GABBR2: variants seen among roughly 807,000 people sequenced by gnomAD.
GABBR2 encodes the protein gamma-aminobutyric acid type B receptor subunit 2.
A neutral mutation model predicts 105.6 loss-of-function variants in GABBR2; 23 were observed. That is an observed-to-expected ratio of 0.22 (90% CI 0.16 to 0.31). The LOEUF is 0.31. Ranked by LOEUF, GABBR2 falls within the 10% of genes least tolerant of loss-of-function variation. GABBR2 has a pLI of 1.00. For synonymous variants in GABBR2, 478 were observed against 499.7 expected, an observed-to-expected ratio of 0.96 and a Z score of 0.58; for missense variants, 734 against 1,245.5, an observed-to-expected ratio of 0.59 and a Z score of 6.18.
chr9:98,347,950 C>T lies in GABBR2; in HGVS notation c.1893+14765G>A, dbSNP rs192833961. ...GGTTTCATAAATAGGAGTCCCCCTG[C>T]GCAAGCTCTCTTGCCTGCCACCATT... On this transcript the variant is annotated intron_variant, in intron 13 of 18. Transcript: ENST00000259455. Among the ~76,000 whole-genome samples, 639 of 152,318 alleles carry T rather than the reference C, an allele frequency of 4.2e-3. 14 individuals are homozygous for T. Among genetic ancestry groups the T allele is most frequent in the Admixed American group, 0.035 (540 of 15,298 alleles).
intron 1 of GABBR2, among the ~76,000 whole-genome samples, chr9:98,589,076 T>C (rs1470085324): frequency 2.0e-5 from 3 of 152,158 alleles, no homozygotes; most frequent in African/African-American, 4.8e-5. Flanking sequence ...CCACCAACCA[T>C]GGACTGAGCA....
intron 1 of GABBR2, among the ~76,000 whole-genome samples, chr9:98,635,069 T>A (rs1829859444): frequency 6.6e-6 from 1 of 152,194 alleles, no homozygotes; most frequent in African/African-American, 2.4e-5. Context: ...GGCTACTCAG[T>A]CCCAGTTCCT....
chr9:98,541,963 A>G lies in GABBR2; in HGVS notation c.540T>C (p.Asn180=), dbSNP rs1182738469. 8 of 1,614,132 alleles carry G rather than the reference A, an allele frequency of 5.0e-6. No homozygotes were observed. The highest frequency in any genetic ancestry group is 1.1e-5 in the South Asian group (1 of 91,082). The part of the protein sequence containing the change: ...PYFFRTVPSD[N]AVNPAILKLL... ...ACTTCAGAATGGCTGGATTCACCGCATTGTCTGATGGGACGGTCCGAAAGA... is the reference window on the plus strand; with the variant it reads ...ACTTCAGAATGGCTGGATTCACCGCGTTGTCTGATGGGACGGTCCGAAAGA... The change falls in exon 3 of 19, where the codon AAT becomes AAC. Residue 180 remains asparagine (N), a synonymous_variant. Transcript: ENST00000259455.
chr9:98,469,562 T>C (rs1023737999), intron 6 of GABBR2, among the ~76,000 whole-genome samples: 2 of 152,200 alleles, frequency 1.3e-5, no homozygotes, highest in Non-Finnish European at 1.5e-5. Context: ...CTTTCTCTCA[T>C]ACAGGACACC....
At chr9:98,403,167 G>A (rs191792481) in intron 8 of GABBR2, among the ~76,000 whole-genome samples, 2,658 of 151,998 alleles carry the variant, frequency 0.017, 35 homozygotes, top group African/African-American at 0.031. Flanking sequence ...GGTGGCACGA[G>A]CCTGTAGTCC....
intron 1 of GABBR2, among the ~76,000 whole-genome samples, chr9:98,587,902 G>A (rs544514849): frequency 1.1e-4 from 16 of 152,072 alleles, no homozygotes; most frequent in Admixed American, 2.6e-4. Flanking sequence ...ATTCAACAAC[G>A]ATCTAAAGTA....
intron 13 of GABBR2, among the ~76,000 whole-genome samples, chr9:98,318,955 G>C (rs892785550): frequency 1.7e-4 from 26 of 151,964 alleles, no homozygotes; most frequent in African/African-American, 5.8e-4. Flanking sequence ...GTATTAGGGG[G>C]TGTGTTTGGC....
chr9:98,687,388 C>T (rs1427778178), intron 1 of GABBR2, among the ~76,000 whole-genome samples: 1 of 152,024 alleles, frequency 6.6e-6, no homozygotes, highest in Non-Finnish European at 1.5e-5. Flanking sequence ...GGAATTTGAT[C>T]AGATATCAGG....
intron 2 of GABBR2, 86 bp downstream of exon 2, chr9:98,577,849 C>T: frequency 7.4e-7 from 1 of 1,350,378 alleles, no homozygotes. Flanking sequence ...AACATAGAAA[C>T]CACATTGTAC....
intron 1 of GABBR2, among the ~76,000 whole-genome samples, chr9:98,683,983 G>C: frequency 7.6e-6 from 1 of 130,850 alleles, no homozygotes; most frequent in Admixed American, 9.0e-5. Flanking sequence ...ACTCCAGCCT[G>C]GGCGACAGAG....
chr9:98,602,518 T>C (rs933024919), intron 1 of GABBR2, among the ~76,000 whole-genome samples: 1 of 150,640 alleles, frequency 6.6e-6, no homozygotes, highest in African/African-American at 2.4e-5. Flanking sequence ...CTTGAACTCC[T>C]GAGCTCAAAT....
rs187548931 is a variant in GABBR2, at chr9:98,526,872, A to C, written c.630+15001T>G. 7.9e-5 allele frequency among the ~76,000 whole-genome samples: 12 copies of C among 152,224 alleles called. No individual in the cohort carries two copies. The East Asian group carries it at 1.9e-3, about 25-fold the overall frequency. Reference sequence around the variant, plus strand: ...TTAGCATGCATAGCTAAATAGGTACAAACACTGAGTAAATAAAAATAGAAC... The same window carrying C: ...TTAGCATGCATAGCTAAATAGGTACCAACACTGAGTAAATAAAAATAGAAC... On this transcript the variant is annotated intron_variant, in intron 3 of 18. Coordinates refer to ENST00000259455, the MANE Select transcript of GABBR2 (RefSeq NM_005458.8).
chr9:98,412,941 G>T (rs930980636), intron 7 of GABBR2, among the ~76,000 whole-genome samples: 1 of 152,136 alleles, frequency 6.6e-6, no homozygotes, highest in Non-Finnish European at 1.5e-5. Context: ...ATTCCTACGC[G>T]GCTGTCTAGA....
chr9:98,585,049 C>T (rs926061901), intron 1 of GABBR2, among the ~76,000 whole-genome samples: 13 of 152,294 alleles, frequency 8.5e-5, no homozygotes, highest in African/African-American at 3.1e-4. Flanking sequence ...CATCCCCATA[C>T]AGGATAGTTT....
chr9:98,385,270 C>G (rs1832051449), intron 11 of GABBR2, among the ~76,000 whole-genome samples: 2 of 152,328 alleles, frequency 1.3e-5, no homozygotes, highest in African/African-American at 4.8e-5. Context: ...GTGACGCGAT[C>G]ACAACTCACT....
Position 98,311,326 on chromosome 9 carries a change from C to A in GABBR2, c.1894-121G>T, listed in dbSNP as rs1426445940. 5 of 630,832 alleles carry A rather than the reference C, an allele frequency of 7.9e-6. No homozygotes were observed. The African/African-American group carries it at 9.2e-5, about 12-fold the overall frequency. 39.1% of individuals were successfully genotyped at this position (630,832 alleles called of 1,614,324 possible). A position where few individuals can be genotyped will look rare whatever the true frequency, so the allele number is the denominator to read the frequency against. ...TAGCCAATGCCACTGTTCAGCAGGC[C>A]ATTTGGACCCCATCTCTGTGTTCCT... On this transcript the variant is annotated intron_variant, in intron 13 of 18. Coordinates refer to ENST00000259455, the MANE Select transcript of GABBR2 (RefSeq NM_005458.8).
intron 17 of GABBR2, among the ~76,000 whole-genome samples, chr9:98,294,137 C>G (rs925214260): frequency 1.8e-4 from 27 of 152,086 alleles, no homozygotes; most frequent in African/African-American, 5.8e-4. Context: ...GTGTGGCATG[C>G]CCCACGCTCT....
chr9:98,458,875 A>G (rs865874205), intron 6 of GABBR2, among the ~76,000 whole-genome samples: 17 of 152,332 alleles, frequency 1.1e-4, no homozygotes, highest in African/African-American at 4.1e-4. Context: ...TGATTATTGG[A>G]TAATTATTGG....
intron 1 of GABBR2, among the ~76,000 whole-genome samples, chr9:98,646,815 C>T (rs910606935): frequency 6.6e-6 from 1 of 152,180 alleles, no homozygotes; most frequent in Non-Finnish European, 1.5e-5. Context: ...AGCTATCTCC[C>T]AGAGGGTCCT....
Sources: allele counts gnomAD v4.1 joint callset (sites outside exome capture counted in the v4.1 genomes callset), GRCh38; gene constraint gnomAD v4.1.1; transcripts MANE v1.5; gene names NCBI Gene and HGNC (gene_info 2026-07-23, HGNC 2026-07-21).